Variants in SOX5 observed in about 807,000 individuals in gnomAD.
The protein encoded by SOX5 is transcription factor SOX-5.
A neutral mutation model predicts 92.0 loss-of-function variants in SOX5; 9 were observed. The ratio of observed to expected loss-of-function variants is 0.10; its 90% CI spans 0.06 to 0.17. The LOEUF (loss-of-function observed/expected upper bound fraction) is 0.17. Among genes scored for constraint, SOX5 ranks in the 10% least tolerant of loss-of-function variants. SOX5 has a pLI of 1.00. For missense variants in SOX5, 642 were observed against 944.5 expected (o/e 0.68, Z 4.20); for synonymous variants, 344 against 336.3 (o/e 1.02, Z -0.25).
intron 1 of SOX5, among the ~76,000 whole-genome samples, chr12:24,535,006 G>A (rs546212155): frequency 6.6e-6 from 1 of 152,336 alleles, no homozygotes; most frequent in Admixed American, 6.5e-5. Flanking sequence ...AGCTCCATGA[G>A]GTTTTCCCAT....
chr12:23,642,687 G>A lies in SOX5; in HGVS notation c.932-1790C>T, dbSNP rs182530231. Among the ~76,000 whole-genome samples the A allele has an allele frequency of 2.6e-5, 4 of 152,208 alleles. No individual in the cohort carries two copies. The East Asian group carries it at 7.7e-4, about 29-fold the overall frequency. ...AAATGATCTAAACTTTATCCTATAC[G>A]GTAAAGGAAATCATGAACGTGGAAA... On this transcript the variant is annotated intron_variant, in intron 7 of 14. Transcript: ENST00000451604.
At chr12:24,029,631 A>T (rs1045890441) in intron 4 of SOX5, among the ~76,000 whole-genome samples, 1 of 152,052 alleles carries the variant, frequency 6.6e-6, no homozygotes, top group South Asian at 2.1e-4. Flanking sequence ...ACAAGTGAAT[A>T]CTTGTTTAAC....
chr12:24,560,115 G>A (rs543524370), intron 1 of SOX5, among the ~76,000 whole-genome samples: 56 of 152,150 alleles, frequency 3.7e-4, no homozygotes, highest in Non-Finnish European at 6.5e-4. Flanking sequence ...TAAACCCACA[G>A]CAAGAAAAAA....
intron 1 of SOX5, among the ~76,000 whole-genome samples, chr12:24,555,737 G>A (rs1953710718): frequency 1.3e-5 from 2 of 152,196 alleles, no homozygotes; most frequent in South Asian, 2.1e-4. Flanking sequence ...CAGGTCTCAT[G>A]TGTGTGAGTG....
chr12:23,625,670 C>T lies in SOX5; in HGVS notation c.1017+15142G>A, dbSNP rs144633832. On this transcript the variant is annotated intron_variant, in intron 8 of 14. Coordinates refer to ENST00000451604, the MANE Select transcript of SOX5 (RefSeq NM_006940.6). Reference sequence around the variant, plus strand: ...CGTTGCCCAGGCTGGTGTGCGGTGGCGTGATCTTGGCTCACTGCAACCTCT... The same window carrying T: ...CGTTGCCCAGGCTGGTGTGCGGTGGTGTGATCTTGGCTCACTGCAACCTCT... Among the ~76,000 whole-genome samples, 1,190 of 152,214 alleles carry T rather than the reference C, an allele frequency of 7.8e-3. 19 individuals are homozygous for T. Among genetic ancestry groups the T allele is most frequent in the African/African-American group, 0.027 (1,135 of 41,528 alleles).
At chr12:24,143,738 C>T (rs527333450) in intron 4 of SOX5, among the ~76,000 whole-genome samples, 2 of 149,438 alleles carry the variant, frequency 1.3e-5, no homozygotes, top group African/African-American at 2.6e-5. Flanking sequence ...TTGTGGGACA[C>T]TCTACTCTGG....
rs753914842 is a variant in SOX5 at position 23,534,202 on chromosome 12, C to T, written c.*17G>A. On this transcript the variant is annotated 3_prime_UTR_variant, in exon 15 of 15. Transcript: ENST00000451604. ...GCTTCTTTAAGTCCTAAGGTCACAA[C>T]AATCTTTTGACCCTTATCAGTTGGC... 9 of 1,607,578 alleles carry T rather than the reference C, an allele frequency of 5.6e-6. No homozygotes were observed. Among genetic ancestry groups the T allele is most frequent in the Admixed American group, 1.7e-5 (1 of 59,780 alleles).
At chr12:24,104,813 A>G (rs1946493778) in intron 4 of SOX5, among the ~76,000 whole-genome samples, 1 of 152,234 alleles carries the variant, frequency 6.6e-6, no homozygotes, top group South Asian at 2.1e-4. Context: ...CCAATATAAC[A>G]GTTGGGTTTT....
At chr12:24,290,168 AC>A (rs1946455554) in intron 2 of SOX5, among the ~76,000 whole-genome samples, 1 of 152,184 alleles carries the variant, frequency 6.6e-6, no homozygotes, top group African/African-American at 2.4e-5. Context: ...TTAACAATGC[AC>A]CCAGAAAACA....
At chr12:24,085,136 C>G (rs1943818444) in intron 4 of SOX5, among the ~76,000 whole-genome samples, 1 of 152,064 alleles carries the variant, frequency 6.6e-6, no homozygotes, top group Non-Finnish European at 1.5e-5. Flanking sequence ...TTCCTCTGTT[C>G]AAATTAAAAA....
chr12:23,849,018 T>C (rs915971956), intron 2 of SOX5, among the ~76,000 whole-genome samples: 2 of 152,212 alleles, frequency 1.3e-5, no homozygotes, highest in Non-Finnish European at 2.9e-5. Context: ...ACTGAATTCT[T>C]GTTAATTCAT....
chr12:23,727,555 T>C (rs7980042), intron 6 of SOX5, among the ~76,000 whole-genome samples: 114,476 of 152,074 alleles, frequency 0.75, 43,145 homozygotes, highest in East Asian at 0.79. Flanking sequence ...CAAGGAACAC[T>C]TTATACTTGA....
chr12:24,222,637 G>A (rs1005522413), intron 3 of SOX5, among the ~76,000 whole-genome samples: 2 of 152,076 alleles, frequency 1.3e-5, no homozygotes, highest in Admixed American at 6.6e-5. Flanking sequence ...ATGAGGGAAT[G>A]GGAACTAGTT....
chr12:24,460,727 T>C (rs1342394816), intron 1 of SOX5: 1 of 152,234 alleles, frequency 6.6e-6, no homozygotes, highest in Non-Finnish European at 1.5e-5. Context: ...CCCCCTCTTT[T>C]TGACGGTGTG....
chr12:24,410,083 G>A (rs772329501), intron 1 of SOX5, among the ~76,000 whole-genome samples: 5 of 151,366 alleles, frequency 3.3e-5, no homozygotes, highest in South Asian at 2.1e-4. Flanking sequence ...CTGCAGCCTC[G>A]ACCTCCTAGA....
At chr12:23,816,485 A>C (rs1470840712) in intron 3 of SOX5, among the ~76,000 whole-genome samples, 1 of 152,030 alleles carries the variant, frequency 6.6e-6, no homozygotes, top group Non-Finnish European at 1.5e-5. Flanking sequence ...GACGTGAGCC[A>C]CTGCGCCTAG....
chr12:23,594,289 T>C (rs959182467), intron 9 of SOX5, among the ~76,000 whole-genome samples: 3 of 152,230 alleles, frequency 2.0e-5, no homozygotes, highest in East Asian at 3.9e-4. Flanking sequence ...ATCTATTGTC[T>C]CTATCTACAT....
At chr12:24,104,142 T>C (rs1946404783) in intron 4 of SOX5, among the ~76,000 whole-genome samples, 1 of 152,206 alleles carries the variant, frequency 6.6e-6, no homozygotes, top group Non-Finnish European at 1.5e-5. Flanking sequence ...GGTTGGCTCA[T>C]TGTGAACATG....
At chr12:24,065,641 A>ATCTC (rs1201601264) in intron 4 of SOX5, among the ~76,000 whole-genome samples, 13 of 105,120 alleles carry the variant, frequency 1.2e-4, no homozygotes, top group African/African-American at 4.9e-4. Flanking sequence ...GCGAGACTCC[A>ATCTC]TCTCAAAAAA....
Sources: gnomAD v4.1 joint callset for allele counts (sites outside exome capture counted in the v4.1 genomes callset) on GRCh38, gnomAD v4.1.1 for gene constraint, MANE v1.5 for transcripts, NCBI Gene and HGNC (gene_info 2026-07-23, HGNC 2026-07-21) for gene names.